Variants in LDLRAD3 observed in about 807,000 individuals in gnomAD.
LDLRAD3 encodes the protein low-density lipoprotein receptor class A domain-containing protein 3.
A neutral mutation model predicts 29.4 loss-of-function variants in LDLRAD3; 20 were observed. The observed-to-expected ratio is 0.68, with a 90% CI of 0.48 to 0.99. The LOEUF is 0.99. Ranked by LOEUF, LDLRAD3 falls within the 50% of genes least tolerant of loss-of-function variation. The pLI is 0.00. For synonymous variants in LDLRAD3, 157 were observed against 192.7 expected (o/e 0.81, Z 1.53); for missense variants, 420 against 454.3 (o/e 0.92, Z 0.69).
intron 4 of LDLRAD3, among the ~76,000 whole-genome samples, chr11:36,131,588 A>T (rs1266686607): frequency 6.6e-6 from 1 of 152,178 alleles, no homozygotes; most frequent in Non-Finnish European, 1.5e-5. Context: ...TTTGCCTTTT[A>T]AAAAAATTAT....
chr11:36,099,198 G>C (rs1434898253), intron 4 of LDLRAD3, among the ~76,000 whole-genome samples: 1 of 152,184 alleles, frequency 6.6e-6, no homozygotes. Context: ...GATGCAGCTG[G>C]AGGATGGGAA....
chr11:36,009,425 G>A (rs1224670905), intron 1 of LDLRAD3, among the ~76,000 whole-genome samples: 4 of 152,170 alleles, frequency 2.6e-5, no homozygotes, highest in African/African-American at 9.6e-5. Context: ...AAAAGGCTAA[G>A]AATAGCATTG....
chr11:36,064,479 A>ATT (rs34464861), intron 2 of LDLRAD3, among the ~76,000 whole-genome samples: 2,535 of 120,566 alleles, frequency 0.021, 80 homozygotes, highest in East Asian at 0.13. Context: ...TGGCTAATTA[A>ATT]TTTTTTTTTT....
chr11:36,070,482 C>T (rs1340588539), intron 2 of LDLRAD3, among the ~76,000 whole-genome samples: 1 of 152,120 alleles, frequency 6.6e-6, no homozygotes. Context: ...CATGGTAACT[C>T]CTCTATCTGG....
intron 2 of LDLRAD3, among the ~76,000 whole-genome samples, chr11:36,053,224 C>T (rs1048397535): frequency 6.6e-6 from 1 of 152,146 alleles, no homozygotes; most frequent in South Asian, 2.1e-4. Context: ...TGGACTTGCT[C>T]TCTAAGCAGC....
chr11:36,024,520 G>A (rs543461535), intron 1 of LDLRAD3, among the ~76,000 whole-genome samples: 11 of 152,244 alleles, frequency 7.2e-5, no homozygotes, highest in African/African-American at 2.2e-4. Context: ...AGAGAATTAG[G>A]CATTAGAACC....
At chr11:36,064,946 C>G (rs966605369) in intron 2 of LDLRAD3, among the ~76,000 whole-genome samples, 5 of 152,158 alleles carry the variant, frequency 3.3e-5, no homozygotes, top group Admixed American at 1.3e-4. Context: ...AACATTTGGT[C>G]TGTCCTGGAG....
At chr11:36,150,643 T>C (rs1259266875) in intron 4 of LDLRAD3, among the ~76,000 whole-genome samples, 1 of 151,978 alleles carries the variant, frequency 6.6e-6, no homozygotes, top group Non-Finnish European at 1.5e-5. Flanking sequence ...TAGTCCCAGC[T>C]ACTTGGGAGG....
At chr11:36,185,423 T>A (rs148494370) in intron 4 of LDLRAD3, among the ~76,000 whole-genome samples, 1 of 152,358 alleles carries the variant, frequency 6.6e-6, no homozygotes, top group Non-Finnish European at 1.5e-5. Flanking sequence ...GAACCACAGC[T>A]GTTCAGATGA....
intron 2 of LDLRAD3, among the ~76,000 whole-genome samples, chr11:36,038,276 T>G (rs1316885510): frequency 6.6e-6 from 1 of 152,220 alleles, no homozygotes; most frequent in African/African-American, 2.4e-5. Flanking sequence ...GGCCTCAGAA[T>G]TACTAGAGCT....
At chr11:35,955,984 A>G (rs1851196262) in intron 1 of LDLRAD3, among the ~76,000 whole-genome samples, 1 of 152,164 alleles carries the variant, frequency 6.6e-6, no homozygotes, top group African/African-American at 2.4e-5. Context: ...TGGGGATAAA[A>G]TCCTTCCTGC....
At chr11:36,027,465 T>G (rs944575484) in intron 1 of LDLRAD3, among the ~76,000 whole-genome samples, 1 of 152,254 alleles carries the variant, frequency 6.6e-6, no homozygotes, top group Non-Finnish European at 1.5e-5. Context: ...TATTGATGAT[T>G]AGGAGTCTTA....
intron 1 of LDLRAD3, among the ~76,000 whole-genome samples, chr11:35,994,571 T>C (rs900706368): frequency 6.6e-6 from 1 of 152,104 alleles, no homozygotes; most frequent in Non-Finnish European, 1.5e-5. Context: ...TTGCTGAAGG[T>C]TGGGGTGGCT....
At chr11:36,158,234 C>T (rs1341023242) in intron 4 of LDLRAD3, among the ~76,000 whole-genome samples, 1 of 152,128 alleles carries the variant, frequency 6.6e-6, no homozygotes, top group Non-Finnish European at 1.5e-5. Context: ...GTGAGAGTTC[C>T]AGGCACGTCA....
At chr11:36,056,932 T>C (rs971133494) in intron 2 of LDLRAD3, among the ~76,000 whole-genome samples, 1 of 152,140 alleles carries the variant, frequency 6.6e-6, no homozygotes, top group South Asian at 2.1e-4. Flanking sequence ...CTTGGTAAAA[T>C]GCAGAGTCTG....
At chr11:36,011,222 C>A (rs951343125) in intron 1 of LDLRAD3, among the ~76,000 whole-genome samples, 1 of 152,190 alleles carries the variant, frequency 6.6e-6, no homozygotes. Flanking sequence ...CACTTCTTCT[C>A]TCCTGCTCAA....
intron 4 of LDLRAD3, among the ~76,000 whole-genome samples, chr11:36,174,975 C>T (rs1328848704): frequency 4.0e-5 from 6 of 151,072 alleles, no homozygotes; most frequent in East Asian, 1.9e-4. Flanking sequence ...AGCGAGACTC[C>T]GTCTCAAAAA....
intron 1 of LDLRAD3, among the ~76,000 whole-genome samples, chr11:35,974,121 CTCTT>C (rs1308155568): frequency 6.6e-6 from 1 of 152,266 alleles, no homozygotes; most frequent in South Asian, 2.1e-4. Flanking sequence ...TATATTTTCT[CTCTT>C]AATCAGATTT....
chr11:36,118,512 T>TGAGA (rs61505915), intron 4 of LDLRAD3, among the ~76,000 whole-genome samples: 17 of 148,598 alleles, frequency 1.1e-4, no homozygotes, highest in Admixed American at 2.7e-4. Flanking sequence ...TGTGTGTGTG[T>TGAGA]GAGAGAGAGA....
Sources: gnomAD v4.1 joint callset for allele counts (sites outside exome capture counted in the v4.1 genomes callset) on GRCh38, gnomAD v4.1.1 for gene constraint, MANE v1.5 for transcripts, NCBI Gene and HGNC (gene_info 2026-07-23, HGNC 2026-07-21) for gene names.